The following ASIC2 variants were observed in gnomAD, a reference collection of about 807,000 sequenced individuals.
The protein encoded by ASIC2 is acid-sensing ion channel 2.
ASIC2 carries 25 observed loss-of-function variants against 57.3 expected under a neutral mutation model. The observed-to-expected ratio is 0.44, with a 90% CI of 0.32 to 0.61. The LOEUF is 0.61. Among genes scored for constraint, ASIC2 ranks in the 20% least tolerant of loss-of-function variants. The pLI is 0.06. For synonymous variants in ASIC2, 319 were observed against 307.5 expected (o/e 1.04, Z -0.39); for missense variants, 641 against 738.1 (o/e 0.87, Z 1.52).
At chr17:33,920,078 T>A (rs577868425) in intron 1 of ASIC2, among the ~76,000 whole-genome samples, 3 of 152,234 alleles carry the variant, frequency 2.0e-5, no homozygotes, top group South Asian at 2.1e-4. Flanking sequence ...GGTGGGAATA[T>A]AAATTCGTTC....
At chr17:33,098,509 A>G (rs1172026421) in intron 2 of ASIC2, among the ~76,000 whole-genome samples, 2 of 152,154 alleles carry the variant, frequency 1.3e-5, no homozygotes, top group South Asian at 2.1e-4. Flanking sequence ...TTGTGTCCCC[A>G]TGCGGGATGG....
At chr17:33,906,046 A>G (rs1004531766) in intron 1 of ASIC2, among the ~76,000 whole-genome samples, 3 of 134,812 alleles carry the variant, frequency 2.2e-5, no homozygotes, top group South Asian at 2.3e-4. Flanking sequence ...ACAAGTTCTC[A>G]TTACATTGTC....
chr17:33,074,207 G>A (rs2092080465), intron 3 of ASIC2, among the ~76,000 whole-genome samples: 1 of 152,140 alleles, frequency 6.6e-6, no homozygotes, highest in Admixed American at 6.5e-5. Flanking sequence ...GGTGCTATGG[G>A]TTATGTTTTT....
At chr17:33,457,791 G>A (rs757091170) in intron 1 of ASIC2, among the ~76,000 whole-genome samples, 4 of 152,168 alleles carry the variant, frequency 2.6e-5, no homozygotes, top group Non-Finnish European at 5.9e-5. Context: ...AGCCTTTTGA[G>A]ATCAGTCATG....
rs992049607 is a variant in ASIC2 at position 33,837,749 on chromosome 17, A to C, written c.555+318229T>G. The stretch of plus-strand genomic sequence containing the variant: ...AACAAAAAACAAAACCCCTTTAGTG[A>C]CTCACCCTGTTTAACTACACTCTAA... On this transcript the variant is annotated intron_variant, in intron 1 of 9. Transcript: ENST00000359872. Among the ~76,000 whole-genome samples, 9 of 152,224 alleles carry C rather than the reference A, an allele frequency of 5.9e-5. No individual in the cohort carries two copies. In the South Asian group the frequency reaches 8.3e-4, roughly 14 times the overall value.
chr17:34,010,847 C>T (rs1456033780), intron 1 of ASIC2, among the ~76,000 whole-genome samples: 1 of 151,818 alleles, frequency 6.6e-6, no homozygotes, highest in Non-Finnish European at 1.5e-5. Context: ...ATAAAACACT[C>T]CAGGCTCCTT....
rs1192255518 is a variant in ASIC2 at position 33,292,624 on chromosome 17, C to G, written c.-509G>C. On this transcript the variant is annotated 5_prime_UTR_variant, in exon 1 of 10. Coordinates refer to ENST00000225823, the MANE Select transcript of ASIC2 (RefSeq NM_183377.2). ...CCCCAGGGACCCCACCAGCCCGGCCCGTAGCCCAGCGGTGCTGGGACACGG... is the reference window on the plus strand; with the variant it reads ...CCCCAGGGACCCCACCAGCCCGGCCGGTAGCCCAGCGGTGCTGGGACACGG... 1 of 985,588 alleles carries G rather than the reference C, an allele frequency of 1.0e-6. No homozygotes were observed. Among genetic ancestry groups the G allele is most frequent in the Non-Finnish European group, 1.2e-6 (1 of 830,076 alleles). The allele number at this position is 985,588 out of a possible 1,614,324, so 61.1% of individuals were successfully genotyped here.
intron 1 of ASIC2, among the ~76,000 whole-genome samples, chr17:33,613,954 T>A (rs1905510628): frequency 6.6e-6 from 1 of 152,188 alleles, no homozygotes; most frequent in Admixed American, 6.5e-5. Context: ...AATATTCCTG[T>A]ACCTATATTT....
intron 1 of ASIC2, among the ~76,000 whole-genome samples, chr17:33,789,751 G>C (rs1386214217): frequency 6.6e-6 from 1 of 152,056 alleles, no homozygotes; most frequent in African/African-American, 2.4e-5. Context: ...ATTTGTTTTG[G>C]GTTGAATAGG....
At chr17:33,772,962 G>T (rs780266457) in intron 1 of ASIC2, among the ~76,000 whole-genome samples, 1 of 152,202 alleles carries the variant, frequency 6.6e-6, no homozygotes, top group African/African-American at 2.4e-5. Context: ...AGTGTTTAGC[G>T]TGGTACCTGG....
At chr17:33,332,061 A>G (rs796468241) in intron 1 of ASIC2, among the ~76,000 whole-genome samples, 2 of 152,242 alleles carry the variant, frequency 1.3e-5, no homozygotes, top group South Asian at 4.1e-4. Context: ...AGTGAAGGCT[A>G]AAAGCTACTG....
rs185204812 is a variant in ASIC2 at position 34,064,335 on chromosome 17, T to C, written c.555+91643A>G. 1.4e-3 allele frequency among the ~76,000 whole-genome samples: 220 copies of C among 152,288 alleles called. 1 individual carries two copies. Among genetic ancestry groups the C allele is most frequent in the African/African-American group, 5.1e-3 (214 of 41,568 alleles). On this transcript the variant is annotated intron_variant, in intron 1 of 9. Transcript: ENST00000359872. ...AATTGGCTAGCCACCTGTAGGAGAA[T>C]GAAACTGGATCCTCATCTCTCACCT...
intron 1 of ASIC2, among the ~76,000 whole-genome samples, chr17:33,460,449 G>T (rs1385102462): frequency 6.6e-6 from 1 of 152,144 alleles, no homozygotes; most frequent in Admixed American, 6.5e-5. Context: ...CACAAAGGAG[G>T]CCAGAATAGA....
intron 1 of ASIC2, among the ~76,000 whole-genome samples, chr17:34,000,516 G>C (rs945776847): frequency 1.3e-5 from 2 of 152,044 alleles, no homozygotes; most frequent in African/African-American, 4.8e-5. Flanking sequence ...GCCTCCCAAA[G>C]TGCTGGCATT....
chr17:33,191,802 G>A lies in ASIC2; in HGVS notation c.709-79735C>T, dbSNP rs138601275. On this transcript the variant is annotated intron_variant, in intron 1 of 9. Transcript: ENST00000225823. Reference sequence around the variant, plus strand: ...AGGAAGGAGAGACAGACTTCACAAAGCTCCCTCTTAAGACAGAAACCAATC... The same window carrying A: ...AGGAAGGAGAGACAGACTTCACAAAACTCCCTCTTAAGACAGAAACCAATC... Among the ~76,000 whole-genome samples, 1,040 of 152,248 alleles carry A rather than the reference G, an allele frequency of 6.8e-3. 8 individuals are homozygous for A. The highest frequency in any genetic ancestry group is 0.011 in the Non-Finnish European group (756 of 68,002).
intron 1 of ASIC2, among the ~76,000 whole-genome samples, chr17:33,863,914 T>G (rs1914163894): frequency 7.6e-6 from 1 of 132,328 alleles, no homozygotes; most frequent in African/African-American, 2.9e-5. Context: ...TTTTTTTTTT[T>G]GTTTTTGAGA....
chr17:33,830,191 G>A (rs1342376782), intron 1 of ASIC2, among the ~76,000 whole-genome samples: 1 of 151,956 alleles, frequency 6.6e-6, no homozygotes, highest in African/African-American at 2.4e-5. Context: ...GTCTACTACA[G>A]CACAATGGTT....
intron 1 of ASIC2, among the ~76,000 whole-genome samples, chr17:33,797,833 G>A (rs1367281089): frequency 6.6e-6 from 1 of 152,176 alleles, no homozygotes; most frequent in African/African-American, 2.4e-5. Context: ...AGGGAAGGAG[G>A]TGGGGTTTCT....
chr17:33,693,495 C>T (rs1050911482), intron 1 of ASIC2, among the ~76,000 whole-genome samples: 12 of 152,058 alleles, frequency 7.9e-5, no homozygotes. Context: ...AGCTCAGGTG[C>T]CTTAGGGACT....
Sources: allele counts gnomAD v4.1 joint callset (sites outside exome capture counted in the v4.1 genomes callset), GRCh38; gene constraint gnomAD v4.1.1; transcripts MANE v1.5; gene names NCBI Gene and HGNC (gene_info 2026-07-23, HGNC 2026-07-21).